The following GABRB2 variants were observed in gnomAD, a reference collection of about 807,000 sequenced individuals.
The protein encoded by GABRB2 is gamma-aminobutyric acid receptor subunit beta-2.
In GABRB2, 16 loss-of-function variants were observed where a neutral mutation model predicts 54.7. The ratio of observed to expected loss-of-function variants is 0.29; its 90% confidence interval spans 0.20 to 0.44. The LOEUF is 0.44. GABRB2 is among the 20% of genes least tolerant of loss of function. The probability of loss-of-function intolerance (pLI) is 1.00; values close to 1 mark genes in which losing one functional copy is unlikely to be tolerated. For synonymous variants in GABRB2, 244 were observed against 233.8 expected (o/e 1.04, Z -0.40); for missense variants, 355 against 644.0 (o/e 0.55, Z 4.86).
chr5:161,444,210 C>T (rs758601024), intron 4 of GABRB2, among the ~76,000 whole-genome samples: 2 of 152,092 alleles, frequency 1.3e-5, no homozygotes, highest in Admixed American at 1.3e-4. Context: ...GAAGGATAGG[C>T]AAGATACTCC....
chr5:161,496,949 TG>T (rs1378926897), intron 3 of GABRB2, among the ~76,000 whole-genome samples: 1 of 152,186 alleles, frequency 6.6e-6, no homozygotes, highest in Non-Finnish European at 1.5e-5. Flanking sequence ...ATAATAAGGC[TG>T]TATTTCCCAT....
At chr5:161,362,366 G>A (rs1290940336) in intron 5 of GABRB2, among the ~76,000 whole-genome samples, 1 of 152,136 alleles carries the variant, frequency 6.6e-6, no homozygotes, top group Non-Finnish European at 1.5e-5. Context: ...AATTACTTTG[G>A]ATAGTATGGT....
chr5:161,438,515 C>A (rs1261043878), intron 4 of GABRB2, among the ~76,000 whole-genome samples: 1 of 151,998 alleles, frequency 6.6e-6, no homozygotes, highest in African/African-American at 2.4e-5. Context: ...GGCATGAACA[C>A]CATCCAGGAA....
chr5:161,536,878 G>A (rs1232840667), intron 3 of GABRB2, among the ~76,000 whole-genome samples: 2 of 152,044 alleles, frequency 1.3e-5, no homozygotes, highest in Non-Finnish European at 2.9e-5. Flanking sequence ...GATTACAGGC[G>A]TGAGCCACCA....
chr5:161,365,439 G>A (rs1754944407), intron 5 of GABRB2, among the ~76,000 whole-genome samples: 1 of 152,026 alleles, frequency 6.6e-6, no homozygotes, highest in African/African-American at 2.4e-5. Context: ...ATGTAGTATT[G>A]TTATGTTTTT....
intron 4 of GABRB2, among the ~76,000 whole-genome samples, chr5:161,427,678 C>T (rs1757042825): frequency 6.6e-6 from 1 of 152,036 alleles, no homozygotes; most frequent in South Asian, 2.1e-4. Context: ...AATGTAATTA[C>T]ATAACTAAAG....
chr5:161,421,537 T>A, intron 4 of GABRB2, among the ~76,000 whole-genome samples: 1 of 152,172 alleles, frequency 6.6e-6, no homozygotes, highest in East Asian at 1.9e-4. Flanking sequence ...ACTCAATGAC[T>A]CAATCTCTAA....
At chr5:161,327,985 C>T (rs1458883370) in intron 8 of GABRB2, among the ~76,000 whole-genome samples, 3 of 152,282 alleles carry the variant, frequency 2.0e-5, no homozygotes, top group African/African-American at 7.2e-5. Context: ...CTCCTCTAAC[C>T]TTTCATGCTG....
chr5:161,291,521 C>T lies in GABRB2; in HGVS notation c.*2560G>A, dbSNP rs1757237095. 1 of 152,272 alleles carries T rather than the reference C, an allele frequency of 6.6e-6. No homozygotes were observed. The highest frequency in any genetic ancestry group is 1.5e-5 in the Non-Finnish European group (1 of 68,010). 9.4% of individuals were successfully genotyped at this position (152,272 alleles called of 1,614,324 possible). A position where few individuals can be genotyped will look rare whatever the true frequency, so the allele number is the denominator to read the frequency against. On this transcript the variant is annotated 3_prime_UTR_variant, in exon 10 of 10. Transcript: ENST00000393959. ...TTTCTATCTCTGTGGTTACTGAGTG[C>T]CAATGTATGCTTTTTACTCTAGGGC...
intron 4 of GABRB2, among the ~76,000 whole-genome samples, chr5:161,418,640 C>T (rs1177331789): frequency 6.6e-6 from 1 of 152,030 alleles, no homozygotes; most frequent in African/African-American, 2.4e-5. Flanking sequence ...CAAAAATAGA[C>T]AAATGGGATT....
At chr5:161,452,367 T>A (rs1056838518) in intron 4 of GABRB2, among the ~76,000 whole-genome samples, 3 of 152,202 alleles carry the variant, frequency 2.0e-5, no homozygotes, top group African/African-American at 7.2e-5. Context: ...AAATGAGTGA[T>A]CAGAAGAATC....
chr5:161,515,331 G>A (rs941008051), intron 3 of GABRB2, among the ~76,000 whole-genome samples: 1 of 151,928 alleles, frequency 6.6e-6, no homozygotes, highest in Admixed American at 6.6e-5. Flanking sequence ...GCAATATTTG[G>A]TCTATTATTA....
intron 3 of GABRB2, among the ~76,000 whole-genome samples, chr5:161,527,470 AAAGT>A (rs1258983919): frequency 6.6e-6 from 1 of 151,512 alleles, no homozygotes; most frequent in African/African-American, 2.4e-5. Flanking sequence ...CAAAAATCAT[AAAGT>A]AAGAAATAAC....
intron 5 of GABRB2, among the ~76,000 whole-genome samples, chr5:161,381,987 T>C (rs1430617886): frequency 2.0e-5 from 3 of 152,186 alleles, no homozygotes; most frequent in South Asian, 4.1e-4. Flanking sequence ...CATTATCTGG[T>C]TGCATGTTCA....
At chr5:161,367,403 T>C (rs1050727633) in intron 5 of GABRB2, among the ~76,000 whole-genome samples, 1 of 152,172 alleles carries the variant, frequency 6.6e-6, no homozygotes, top group Admixed American at 6.5e-5. Flanking sequence ...GTGTAATCAG[T>C]GTTAGTTATT....
intron 3 of GABRB2, among the ~76,000 whole-genome samples, chr5:161,480,846 G>T (rs1758741379): frequency 6.6e-6 from 1 of 151,936 alleles, no homozygotes; most frequent in Non-Finnish European, 1.5e-5. Flanking sequence ...ATGCATAAAA[G>T]TTTAATTTGA....
intron 3 of GABRB2, among the ~76,000 whole-genome samples, chr5:161,514,097 C>T (rs1189599309): frequency 6.6e-6 from 1 of 152,068 alleles, no homozygotes; most frequent in Non-Finnish European, 1.5e-5. Context: ...GATTTCATTC[C>T]AGAACTTCAT....
At chr5:161,432,276 A>G (rs888535010) in intron 4 of GABRB2, among the ~76,000 whole-genome samples, 1 of 152,218 alleles carries the variant, frequency 6.6e-6, no homozygotes, top group African/African-American at 2.4e-5. Context: ...CAGCAGTCCA[A>G]GGGCAGAATC....
At chr5:161,491,471 T>A (rs919154399) in intron 3 of GABRB2, among the ~76,000 whole-genome samples, 7 of 151,792 alleles carry the variant, frequency 4.6e-5, no homozygotes, top group African/African-American at 1.7e-4. Context: ...TTAGAATAAT[T>A]ACAGAAAAGC....
Sources: allele counts gnomAD v4.1 joint callset (sites outside exome capture counted in the v4.1 genomes callset), GRCh38; gene constraint gnomAD v4.1.1; transcripts MANE v1.5; gene names NCBI Gene and HGNC (gene_info 2026-07-23, HGNC 2026-07-21).